DPP10: variants seen among roughly 807,000 people sequenced by gnomAD.
DPP10 encodes dipeptidyl peptidase like 10.
DPP10 carries 33 observed loss-of-function variants against 120.9 expected under a neutral mutation model. That is an observed-to-expected ratio of 0.27 (90% CI 0.21 to 0.37). The LOEUF (loss-of-function observed/expected upper bound fraction) is 0.37. DPP10 is among the 10% of genes least tolerant of loss of function. The pLI is 1.00. For missense variants in DPP10, 816 were observed against 942.8 expected (o/e 0.87, Z 1.76); for synonymous variants, 337 against 326.1 (o/e 1.03, Z -0.36).
At chr2:114,760,134 C>T (rs1194820988) in intron 1 of DPP10, among the ~76,000 whole-genome samples, 3 of 152,180 alleles carry the variant, frequency 2.0e-5, no homozygotes, top group Non-Finnish European at 4.4e-5. Context: ...CCATTGCTGG[C>T]CCACCCAGAT....
chr2:114,634,462 G>A (rs1160705668), intron 1 of DPP10, among the ~76,000 whole-genome samples: 1 of 151,758 alleles, frequency 6.6e-6, no homozygotes, highest in Non-Finnish European at 1.5e-5. Flanking sequence ...CATGGCCACA[G>A]AGTGGAGGAG....
At chr2:115,374,367 C>T (rs1401919151) in intron 3 of DPP10, among the ~76,000 whole-genome samples, 1 of 152,194 alleles carries the variant, frequency 6.6e-6, no homozygotes, top group Non-Finnish European at 1.5e-5. Context: ...GGGCTCCCAA[C>T]ATCTTGGGCT....
At chr2:115,824,474 G>A (rs75381692) in intron 21 of DPP10, among the ~76,000 whole-genome samples, 2 of 151,754 alleles carry the variant, frequency 1.3e-5, no homozygotes, top group African/African-American at 2.4e-5. Flanking sequence ...TTTCCCTTGC[G>A]CCCCACCCCC....
intron 3 of DPP10, among the ~76,000 whole-genome samples, chr2:115,377,756 C>G (rs1488094908): frequency 6.6e-6 from 1 of 151,878 alleles, no homozygotes; most frequent in African/African-American, 2.4e-5. Flanking sequence ...GATCCAGTTT[C>G]AGCTTTCTAC....
At chr2:114,539,257 T>C (rs1354844624) in intron 1 of DPP10, among the ~76,000 whole-genome samples, 1 of 149,832 alleles carries the variant, frequency 6.7e-6, no homozygotes, top group Non-Finnish European at 1.5e-5. Flanking sequence ...TATAAACACA[T>C]AATTACATAT....
At chr2:114,823,316 C>T (rs1686253315) in intron 1 of DPP10, among the ~76,000 whole-genome samples, 5 of 152,102 alleles carry the variant, frequency 3.3e-5, no homozygotes, top group Admixed American at 3.3e-4. Context: ...AAAACTCTGT[C>T]ATGAGAACAG....
intron 1 of DPP10, among the ~76,000 whole-genome samples, chr2:114,627,239 C>G (rs1694580183): frequency 6.6e-6 from 1 of 152,182 alleles, no homozygotes; most frequent in Admixed American, 6.6e-5. Context: ...AACCAGCTGC[C>G]AAGAGAACAG....
chr2:115,828,635 A>T (rs1269426817), intron 21 of DPP10, among the ~76,000 whole-genome samples: 1 of 152,052 alleles, frequency 6.6e-6, no homozygotes, highest in African/African-American at 2.4e-5. Context: ...AAGCTGTAAC[A>T]ATGCTAGGAC....
intron 7 of DPP10, among the ~76,000 whole-genome samples, chr2:115,724,377 A>T (rs1366067146): frequency 6.6e-6 from 1 of 152,170 alleles, no homozygotes; most frequent in African/African-American, 2.4e-5. Context: ...ACTCTTAAAG[A>T]CTTCTGCCCA....
intron 1 of DPP10, among the ~76,000 whole-genome samples, chr2:115,175,294 A>G (rs528810722): frequency 2.0e-5 from 3 of 152,284 alleles, no homozygotes; most frequent in South Asian, 4.1e-4. Flanking sequence ...GGATATTAAC[A>G]ATTTATGTCT....
chr2:115,545,749 A>G (rs1391531360), intron 5 of DPP10, among the ~76,000 whole-genome samples: 1 of 152,128 alleles, frequency 6.6e-6, no homozygotes. Context: ...TCACTGGCTC[A>G]CAAAGACTAT....
intron 3 of DPP10, among the ~76,000 whole-genome samples, chr2:115,366,419 C>G (rs1485848955): frequency 6.6e-6 from 1 of 151,954 alleles, no homozygotes; most frequent in African/African-American, 2.4e-5. Context: ...TATTATATAG[C>G]CTTTTTGTCC....
intron 5 of DPP10, among the ~76,000 whole-genome samples, chr2:115,624,399 C>T (rs994515691): frequency 1.3e-5 from 2 of 152,016 alleles, no homozygotes; most frequent in African/African-American, 2.4e-5. Flanking sequence ...TTTTGTCAAG[C>T]CCCCCAAAAG....
At chr2:115,797,937 G>GTA (rs1183979789) in intron 19 of DPP10, among the ~76,000 whole-genome samples, 1 of 137,742 alleles carries the variant, frequency 7.3e-6, no homozygotes, top group Admixed American at 7.3e-5. Context: ...ATATATATGT[G>GTA]TATATATGTG....
At chr2:115,045,173 A>G (rs1376410953) in intron 1 of DPP10, among the ~76,000 whole-genome samples, 2 of 152,162 alleles carry the variant, frequency 1.3e-5, no homozygotes, top group South Asian at 4.1e-4. Context: ...TTCTATTTTT[A>G]GTTTCCTGAG....
At chr2:115,741,170 G>A (rs1677213964) in intron 9 of DPP10, among the ~76,000 whole-genome samples, 1 of 152,066 alleles carries the variant, frequency 6.6e-6, no homozygotes, top group African/African-American at 2.4e-5. Flanking sequence ...GAAATAAAAT[G>A]AGCATATTCC....
intron 1 of DPP10, among the ~76,000 whole-genome samples, chr2:115,276,164 A>G (rs1324756046): frequency 3.9e-5 from 6 of 152,144 alleles, no homozygotes. Context: ...ATAATTAGAA[A>G]ACACTCGAAT....
At chr2:115,445,245 T>C (rs1216474936) in intron 3 of DPP10, among the ~76,000 whole-genome samples, 1 of 151,978 alleles carries the variant, frequency 6.6e-6, no homozygotes, top group African/African-American at 2.4e-5. Context: ...TTTATAGGAG[T>C]GTGAAAACAG....
rs146948143 is a variant in DPP10, at chr2:115,215,503, C to G, written c.61-93736C>G. 8.0e-4 allele frequency among the ~76,000 whole-genome samples: 122 copies of G among 152,070 alleles called. 3 individuals carry two copies. The East Asian group carries it at 0.017, about 21-fold the overall frequency. ...TTCACATGTCTATTATTATTTAAGT[C>G]AAAAATTACAGAAGTGGGCAAAGAT... On this transcript the variant is annotated intron_variant, in intron 1 of 25. Coordinates refer to ENST00000410059, the MANE Select transcript of DPP10 (RefSeq NM_020868.6).
Sources: gnomAD v4.1 joint callset for allele counts (sites outside exome capture counted in the v4.1 genomes callset) on GRCh38, gnomAD v4.1.1 for gene constraint, MANE v1.5 for transcripts, NCBI Gene and HGNC (gene_info 2026-07-23, HGNC 2026-07-21) for gene names.